RIPOR2: variants seen among roughly 807,000 people sequenced by gnomAD.
The protein encoded by RIPOR2 is RHO family interacting cell polarization regulator 2, also known as rho family-interacting cell polarization regulator 2.
RIPOR2 carries 39 observed loss-of-function variants against 114.5 expected under a neutral mutation model. That is an observed-to-expected ratio of 0.34 (90% confidence interval 0.26 to 0.44). RIPOR2 has a LOEUF of 0.44. RIPOR2 is among the 20% of genes least tolerant of loss of function. RIPOR2 has a pLI of 1.00. For synonymous variants in RIPOR2, 445 were observed against 484.4 expected, an observed-to-expected ratio of 0.92 and a Z score of 1.07; for missense variants, 1,007 against 1,255.1, an observed-to-expected ratio of 0.80 and a Z score of 2.99.
chr6:24,863,141 C>T (rs1373294582), intron 7 of RIPOR2, among the ~76,000 whole-genome samples: 3 of 151,936 alleles, frequency 2.0e-5, no homozygotes, highest in Non-Finnish European at 2.9e-5. Context: ...TTAGTAGAGA[C>T]GGGGTTTTGC....
intron 7 of RIPOR2, among the ~76,000 whole-genome samples, chr6:24,862,274 A>C (rs1306076599): frequency 6.6e-6 from 1 of 152,208 alleles, no homozygotes; most frequent in Non-Finnish European, 1.5e-5. Flanking sequence ...GTCTCCATTG[A>C]AGCTTGATGC....
In RIPOR2 at chr6:24,870,779, G is replaced by A. The variant is rs1765084837; in HGVS notation, c.447+87C>T. 3.1e-6 allele frequency: 3 copies of A among 958,724 alleles called. No individual in the cohort carries two copies. In the Admixed American group the frequency reaches 6.8e-5, roughly 22 times the overall value. 59.4% of individuals were successfully genotyped at this position (958,724 alleles called of 1,614,324 possible). On this transcript the variant is annotated intron_variant, in intron 5 of 21. Transcript: ENST00000643898. ...TCCACCCACCTCGGCCTCCCAAAGT[G>A]CTGGGATGACAGGCGTGAGCCACCG...
In RIPOR2 at chr6:24,886,527, C is replaced by T. The variant is rs114173820; in HGVS notation, c.62-10710G>A. On this transcript the variant is annotated intron_variant, in intron 1 of 21. Coordinates refer to ENST00000643898, the MANE Select transcript of RIPOR2 (RefSeq NM_001286445.3). Reference sequence around the variant, plus strand: ...AATCTGGGACAGTTTCTTGGCAATTCTTTGGCTTTGACATTGACATTTTAA... The same window carrying T: ...AATCTGGGACAGTTTCTTGGCAATTTTTTGGCTTTGACATTGACATTTTAA... 9.0e-3 allele frequency among the ~76,000 whole-genome samples: 1,376 copies of T among 152,256 alleles called. 11 individuals carry two copies. The highest frequency in any genetic ancestry group is 0.014 in the South Asian group (69 of 4,830).
intron 1 of RIPOR2, among the ~76,000 whole-genome samples, chr6:24,890,015 C>T (rs1767186503): frequency 6.6e-6 from 1 of 152,074 alleles, no homozygotes; most frequent in Non-Finnish European, 1.5e-5. Flanking sequence ...CCTCAACCTC[C>T]CGAGTAGCTG....
chr6:24,973,792 C>A (rs1176955649), intron 1 of RIPOR2, among the ~76,000 whole-genome samples: 1 of 152,096 alleles, frequency 6.6e-6, no homozygotes, highest in Admixed American at 6.5e-5. Flanking sequence ...ATGTCCTTAG[C>A]AGCAACATGG....
intron 7 of RIPOR2, 146 bp downstream of exon 7, chr6:24,865,155 A>T: frequency 1.6e-6 from 1 of 624,814 alleles, no homozygotes; most frequent in Admixed American, 3.4e-5. Flanking sequence ...CCTTTCTTGC[A>T]TACTTTTTAG....
At chr6:24,857,564 A>G (rs1716352128) in intron 8 of RIPOR2, among the ~76,000 whole-genome samples, 1 of 152,110 alleles carries the variant, frequency 6.6e-6, no homozygotes, top group Non-Finnish European at 1.5e-5. Context: ...TCCCAGTTCT[A>G]TGATGATCTT....
chr6:24,909,130 T>C (rs944836669), intron 1 of RIPOR2, among the ~76,000 whole-genome samples: 1 of 152,140 alleles, frequency 6.6e-6, no homozygotes, highest in African/African-American at 2.4e-5. Flanking sequence ...ATTATCTTCC[T>C]GGGGGAAAGG....
intron 1 of RIPOR2, among the ~76,000 whole-genome samples, chr6:24,977,922 A>T (rs1259448091): frequency 3.9e-5 from 6 of 152,054 alleles, no homozygotes; most frequent in African/African-American, 1.4e-4. Context: ...GTCAGTCAAA[A>T]CTCCACGGAT....
rs75500475 is a variant in RIPOR2 at position 24,928,629 on chromosome 6, C to A, written c.61+7209G>T. On this transcript the variant is annotated intron_variant, in intron 1 of 21. Transcript: ENST00000643898. Reference sequence around the variant, plus strand: ...GAGTGGTATAGTATAAATATTTAAACCTTTAACTCCCAATAATTCAAAGGC... The same window carrying A: ...GAGTGGTATAGTATAAATATTTAAAACTTTAACTCCCAATAATTCAAAGGC... 5.3e-4 allele frequency among the ~76,000 whole-genome samples: 81 copies of A among 152,264 alleles called. 1 individual carries two copies. The East Asian group carries it at 0.015, about 29-fold the overall frequency.
At chr6:25,013,681 T>G (rs1775863656) in intron 1 of RIPOR2, among the ~76,000 whole-genome samples, 1 of 152,238 alleles carries the variant, frequency 6.6e-6, no homozygotes, top group Admixed American at 6.5e-5. Flanking sequence ...GCTGATATAC[T>G]ACAAGTTTGT....
intron 1 of RIPOR2, among the ~76,000 whole-genome samples, chr6:25,031,965 T>A (rs954126595): frequency 2.6e-5 from 4 of 151,482 alleles, no homozygotes; most frequent in Non-Finnish European, 4.4e-5. Context: ...CTTCACCACC[T>A]ATGCCATTTA....
chr6:25,012,235 C>A (rs1295181771), intron 1 of RIPOR2, among the ~76,000 whole-genome samples: 1 of 152,104 alleles, frequency 6.6e-6, no homozygotes, highest in Non-Finnish European at 1.5e-5. Context: ...AACATATGTT[C>A]TTGAGAATGT....
At position 25,005,737 on chromosome 6, in the gene RIPOR2, A is replaced by ATATATATATATG. The variant is rs1554130548; in HGVS notation, c.76+36113_76+36114insCATATATATATA. 6.7e-5 allele frequency among the ~76,000 whole-genome samples: 8 copies of ATATATATATATG among 120,134 alleles called. 1 individual carries two copies. The highest frequency in any genetic ancestry group is 1.3e-4 in the Non-Finnish European group (7 of 55,430). The allele number at this position is 120,134 out of a possible 152,430, so 78.8% of individuals were successfully genotyped here. ...TATATATATATATATATATATATAT[A>ATATATATATATG]TATACATTTACCGATCAAAAGATAT... On this transcript the variant is annotated intron_variant, in intron 1 of 13. Transcript: ENST00000510784.
At chr6:24,944,965 G>T (rs1772333667) in intron 1 of RIPOR2, among the ~76,000 whole-genome samples, 1 of 152,006 alleles carries the variant, frequency 6.6e-6, no homozygotes, top group Non-Finnish European at 1.5e-5. Context: ...GGAAATTATA[G>T]TTGACAGTAA....
chr6:24,993,710 C>T (rs1337767750), intron 1 of RIPOR2, among the ~76,000 whole-genome samples: 2 of 152,198 alleles, frequency 1.3e-5, no homozygotes, highest in African/African-American at 4.8e-5. Context: ...GAGGGCAAGG[C>T]CAAATTCAGT....
chr6:25,035,199 CTGTT>C (rs1777180232), intron 1 of RIPOR2, among the ~76,000 whole-genome samples: 1 of 152,192 alleles, frequency 6.6e-6, no homozygotes, highest in Admixed American at 6.5e-5. Flanking sequence ...TGGGATGAGG[CTGTT>C]AATGGATAAA....
intron 13 of RIPOR2, among the ~76,000 whole-genome samples, chr6:24,841,441 T>C (rs147407341): frequency 2.0e-5 from 3 of 152,130 alleles, no homozygotes; most frequent in Non-Finnish European, 4.4e-5. Flanking sequence ...GAACTATCTG[T>C]CATGAGCATT....
chr6:24,992,649 A>G (rs1774873401), intron 1 of RIPOR2, among the ~76,000 whole-genome samples: 1 of 152,220 alleles, frequency 6.6e-6, no homozygotes, highest in Non-Finnish European at 1.5e-5. Flanking sequence ...GCCCAAAGCA[A>G]TTTACATATT....
Sources: allele counts gnomAD v4.1 joint callset (sites outside exome capture counted in the v4.1 genomes callset), GRCh38; gene constraint gnomAD v4.1.1; transcripts MANE v1.5; gene names NCBI Gene and HGNC (gene_info 2026-07-23, HGNC 2026-07-21).